Variants in FSIP2 observed in about 807,000 individuals in gnomAD.
FSIP2 encodes fibrous sheath interacting protein 2, also known as fibrous sheath-interacting protein 2.
In FSIP2, 367 loss-of-function variants were observed where a neutral mutation model predicts 510.5. The ratio of observed to expected loss-of-function variants is 0.72; its 90% CI spans 0.66 to 0.78. The LOEUF (loss-of-function observed/expected upper bound fraction) is 0.78, where lower values mean the gene tolerates loss of function less well. FSIP2 is among the 30% of genes least tolerant of loss of function. The pLI is 0.00. For synonymous variants in FSIP2, 2,601 were observed against 2,732.2 expected, an observed-to-expected ratio of 0.95 and a Z score of 1.50; for missense variants, 7,594 against 7,901.7, an observed-to-expected ratio of 0.96 and a Z score of 1.48.
chr2:185,817,660 C>T (rs1396394156), intron 19 of FSIP2, among the ~76,000 whole-genome samples: 1 of 151,874 alleles, frequency 6.6e-6, no homozygotes, highest in Non-Finnish European at 1.5e-5. Flanking sequence ...ATTTCAAATA[C>T]TCACATTTGA....
rs372857266 is a variant in FSIP2, at chr2:185,828,194, G to T, written c.20512G>T (p.Val6838Phe). 42 of 1,565,794 alleles carry T rather than the reference G, an allele frequency of 2.7e-5. 1 individual carries two copies. Among genetic ancestry groups the T allele is most frequent in the African/African-American group, 4.1e-5 (3 of 73,540 alleles). Residue 6838 changes from valine (V) to phenylalanine (F), a missense_variant, in exon 21 of 23, where the codon GTT becomes TTT. Val to Phe is a conservative substitution (Grantham distance 50, BLOSUM62 -1). Transcript: ENST00000424728. ...QEQKPEHGNSVKFITIFERSK... is the reference protein window; with the variant it reads ...QEQKPEHGNSFKFITIFERSK... ...ACAAAAGCCAGAGCATGGAAACAGT[G>T]TTAAGGTAAGTATTTTTAACTAGCC...
Position 185,801,664 on chromosome 2 carries a change from A to G in FSIP2, c.12358A>G (p.Asn4120Asp). The G allele has an allele frequency of 6.5e-7, 1 of 1,528,652 alleles. No homozygotes were observed. The highest frequency in any genetic ancestry group is 8.7e-7 in the Non-Finnish European group (1 of 1,143,350). The allele number at this position is 1,528,652 out of a possible 1,614,324, so 94.7% of individuals were successfully genotyped here. A position where few individuals can be genotyped will look rare whatever the true frequency, so the allele number is the denominator to read the frequency against. Residue 4120 changes from asparagine (N) to aspartate (D), a missense_variant, in exon 17 of 23, where the codon AAC becomes GAC. Asn to Asp is a conservative substitution (Grantham distance 23). Coordinates refer to ENST00000424728, the MANE Select transcript of FSIP2 (RefSeq NM_173651.4). ...AATTATATTGCAAAAGCTTCAAAGTAACCTAACAGAATTTACTTCTCTACC... is the reference window on the plus strand; with the variant it reads ...AATTATATTGCAAAAGCTTCAAAGTGACCTAACAGAATTTACTTCTCTACC... Reference protein sequence around the residue: ...PEIILQKLQSNLTEFTSLPRS... With the variant: ...PEIILQKLQSDLTEFTSLPRS...
At chr2:185,773,901 A>T (rs2105580279) in intron 13 of FSIP2, among the ~76,000 whole-genome samples, 1 of 152,288 alleles carries the variant, frequency 6.6e-6, no homozygotes, top group Admixed American at 6.5e-5. Context: ...ATTTTGTTTT[A>T]ACAAGTTTAT....
chr2:185,739,836 C>T (rs1316865516), intron 2 of FSIP2, among the ~76,000 whole-genome samples: 1 of 151,844 alleles, frequency 6.6e-6, no homozygotes, highest in Non-Finnish European at 1.5e-5. Flanking sequence ...TGATATGTTA[C>T]GATTTTAACT....
Position 185,789,125 on chromosome 2 carries a change from T to C in FSIP2, c.1989T>C (p.Ala663=). The change falls in exon 16 of 23, where the codon GCT becomes GCC. Residue 663 remains alanine, a synonymous_variant. Transcript: ENST00000424728. Reference sequence around the variant, plus strand: ...CAGGCACAAAAAAATCTAAGGATGCTACCACTGAAACAGATAGCTTAGGGA... The same window carrying C: ...CAGGCACAAAAAAATCTAAGGATGCCACCACTGAAACAGATAGCTTAGGGA... The part of the protein sequence containing the change: ...FETGTKKSKD[A]TTETDSLGSS... 6.5e-7 allele frequency: 1 copy of C among 1,535,202 alleles called. No homozygotes were observed. The highest frequency in any genetic ancestry group is 8.7e-7 in the Non-Finnish European group (1 of 1,146,086).
At chr2:185,832,071 C>G (rs1338369687) in intron 22 of FSIP2, among the ~76,000 whole-genome samples, 189 bp downstream of exon 22, 2 of 151,866 alleles carry the variant, frequency 1.3e-5, no homozygotes, top group Non-Finnish European at 2.9e-5. Flanking sequence ...AGCTCTCTAT[C>G]TTTACACCAA....
At chr2:185,819,892 T>G (rs1693884093) in intron 19 of FSIP2, among the ~76,000 whole-genome samples, 1 of 151,948 alleles carries the variant, frequency 6.6e-6, no homozygotes, top group South Asian at 2.1e-4. Flanking sequence ...CATTGTAAAT[T>G]GAGGAACATC....
Position 185,806,703 on chromosome 2 carries a change from C to A in FSIP2, c.17397C>A (p.Ile5799=). The A allele has an allele frequency of 1.2e-6, 2 of 1,603,346 alleles. No homozygotes were observed. Among genetic ancestry groups the A allele is most frequent in the Admixed American group, 1.7e-5 (1 of 57,528 alleles). ...DVITEMVKQL[I]FSSIPETQIQ... ...TTACTGAGATGGTTAAACAATTGATCTTTTCTTCTATACCAGAAACACAAA... is the reference window on the plus strand; with the variant it reads ...TTACTGAGATGGTTAAACAATTGATATTTTCTTCTATACCAGAAACACAAA... Residue 5799 remains isoleucine, a synonymous_variant, in exon 17 of 23, where the codon ATC becomes ATA. Transcript: ENST00000424728.
rs2105618684 is a variant in FSIP2 at position 185,792,921 on chromosome 2, G to C, written c.5785G>C (p.Glu1929Gln). The change falls in exon 16 of 23, where the codon GAA becomes CAA. Residue 1929 changes from glutamate (E) to glutamine (Q), a missense_variant. By Grantham distance (29) the Glu-to-Gln change is conservative (BLOSUM62 2). Transcript: ENST00000424728. ...TGTACAGGCAATATTAACAAATTTA[G>C]AAACTTTTGCTACTTCCAAAGTAAA... ...DIVQAILTNLETFATSKVKSL... is the reference protein window; with the variant it reads ...DIVQAILTNLQTFATSKVKSL... The C allele has an allele frequency of 6.5e-7, 1 of 1,533,970 alleles. No homozygotes were observed. The highest frequency in any genetic ancestry group is 8.7e-7 in the Non-Finnish European group (1 of 1,145,492).
chr2:185,788,426 C>CA (rs1023781949), intron 15 of FSIP2, among the ~76,000 whole-genome samples: 7 of 151,330 alleles, frequency 4.6e-5, no homozygotes, highest in African/African-American at 1.5e-4. Flanking sequence ...AAATCTTACA[C>CA]AAAAAAACAC....
In FSIP2 at chr2:185,790,083, C is replaced by T. The variant is rs1413642378; in HGVS notation, c.2947C>T (p.Pro983Ser). Residue 983 changes from proline (P) to serine (S), a missense_variant, in exon 16 of 23, where the codon CCT becomes TCT. Pro to Ser is a moderately conservative substitution (Grantham distance 74). Coordinates refer to ENST00000424728, the MANE Select transcript of FSIP2 (RefSeq NM_173651.4). Reference sequence around the variant, plus strand: ...CACTGGCACTAGATTATCAAATAGTCCTAGGTCTGGAAGACCATTTCCACC... The same window carrying T: ...CACTGGCACTAGATTATCAAATAGTTCTAGGTCTGGAAGACCATTTCCACC... ...RLTGTRLSNSPRSGRPFPPIN... is the reference protein window; with the variant it reads ...RLTGTRLSNSSRSGRPFPPIN... 9.8e-6 allele frequency: 15 copies of T among 1,533,546 alleles called. No homozygotes were observed. Among genetic ancestry groups the T allele is most frequent in the Non-Finnish European group, 1.3e-5 (15 of 1,145,350 alleles). The allele number at this position is 1,533,546 out of a possible 1,614,324, so 95.0% of individuals were successfully genotyped here. A position where few individuals can be genotyped will look rare whatever the true frequency, so the allele number is the denominator to read the frequency against.
chr2:185,763,169 T>C lies in FSIP2; in HGVS notation c.1241-14T>C. The C allele has an allele frequency of 2.7e-6, 3 of 1,116,230 alleles. No homozygotes were observed. The highest frequency in any genetic ancestry group is 3.9e-6 in the Non-Finnish European group (3 of 764,936). The allele number at this position is 1,116,230 out of a possible 1,614,324, so 69.1% of individuals were successfully genotyped here. A position where few individuals can be genotyped will look rare whatever the true frequency, so the allele number is the denominator to read the frequency against. On this transcript the variant is annotated splice_polypyrimidine_tract_variant and intron_variant, in intron 11 of 22. Transcript: ENST00000424728. ...TCAGCTTCTCATATTTAAAGTTATC[T>C]CTTCTTTCTCTAGGAGGTATAAATA...
rs142493591 is a variant in FSIP2, at chr2:185,757,366, TA to T, written c.1078+1091del. Among the ~76,000 whole-genome samples the T allele has an allele frequency of 5.5e-3, 831 of 151,524 alleles. 6 individuals are homozygous for T. Among genetic ancestry groups the T allele is most frequent in the African/African-American group, 0.019 (797 of 41,430 alleles). Reference sequence around the variant, plus strand: ...TGGAGAACAGACCTGTAAATTTAATTAAACATGGTTGGGAGAAATATCCTAT... The same window carrying T: ...TGGAGAACAGACCTGTAAATTTAATTAACATGGTTGGGAGAAATATCCTAT... On this transcript the variant is annotated intron_variant, in intron 9 of 22. Transcript: ENST00000424728.
chr2:185,817,524 G>A (rs1430064929), intron 19 of FSIP2, among the ~76,000 whole-genome samples: 1 of 151,898 alleles, frequency 6.6e-6, no homozygotes, highest in African/African-American at 2.4e-5. Context: ...AAAACTACAT[G>A]CTCAGAAAAG....
rs1693430720 is a variant in FSIP2, at chr2:185,801,358, T to G, written c.12052T>G (p.Phe4018Val). 1 of 1,534,012 alleles carries G rather than the reference T, an allele frequency of 6.5e-7. No individual in the cohort carries two copies. Among genetic ancestry groups the G allele is most frequent in the South Asian group, 1.2e-5 (1 of 84,014 alleles). ...TLFVNNVVNE[F>V]NNAQVTVLRN... The stretch of plus-strand genomic sequence containing the variant: ...ATTTGTCAACAATGTAGTGAATGAA[T>G]TTAATAATGCTCAAGTCACTGTTCT... The change falls in exon 17 of 23, where the codon TTT (phenylalanine) becomes GTT (valine). Residue 4018 changes from phenylalanine to valine, a missense_variant. By Grantham distance (50) the Phe-to-Val change is conservative (BLOSUM62 -1). Coordinates refer to ENST00000424728, the MANE Select transcript of FSIP2 (RefSeq NM_173651.4).
At chr2:185,788,584 A>G (rs1693041652) in intron 15 of FSIP2, 59 bp from the exon 16 acceptor site, 1 of 1,240,486 alleles carries the variant, frequency 8.1e-7, no homozygotes, top group Middle Eastern at 2.7e-4. Context: ...TTCTGTCTCC[A>G]AAACATAGAG....
intron 20 of FSIP2, among the ~76,000 whole-genome samples, chr2:185,826,831 T>C (rs1694018835): frequency 6.6e-6 from 1 of 151,832 alleles, no homozygotes; most frequent in Admixed American, 6.6e-5. Context: ...AGGTGTCCTT[T>C]AGACATTCAA....
At chr2:185,744,500 G>T in intron 4 of FSIP2, 89 bp downstream of exon 4, 1 of 278,686 alleles carries the variant, frequency 3.6e-6, no homozygotes, top group Non-Finnish European at 6.6e-6. Context: ...ATAATATTTT[G>T]ATCCTTTATT....
At chr2:185,758,036 C>G (rs181409456) in intron 9 of FSIP2, among the ~76,000 whole-genome samples, 1 of 151,108 alleles carries the variant, frequency 6.6e-6, no homozygotes, top group African/African-American at 2.4e-5. Context: ...AATATGTTCT[C>G]ATAACTATAG....
Sources: gnomAD v4.1 joint callset for allele counts (sites outside exome capture counted in the v4.1 genomes callset) on GRCh38, gnomAD v4.1.1 for gene constraint, MANE v1.5 for transcripts, NCBI Gene and HGNC (gene_info 2026-07-23, HGNC 2026-07-21) for gene names.